The following FHIT variants were observed in gnomAD, a reference collection of about 807,000 sequenced individuals.
FHIT encodes fragile histidine triad diadenosine triphosphatase, also known as bis(5'-adenosyl)-triphosphatase.
Under a neutral mutation model 17.9 loss-of-function variants are expected in FHIT, and 19 were observed. The observed-to-expected ratio is 1.06, with a 90% CI of 0.74 to 1.56. The LOEUF (loss-of-function observed/expected upper bound fraction) is 1.56. FHIT is among the 40% of genes most tolerant of loss of function. The pLI is 0.00. For synonymous variants in FHIT, 81 were observed against 69.7 expected (o/e 1.16, Z -0.81); for missense variants, 248 against 189.2 (o/e 1.31, Z -1.82).
Position 61,193,227 on chromosome 3 carries a change from A to T in FHIT, c.-164+7390T>A, listed in dbSNP as rs143740359. ...CTGTTTAGGTGGGCACTTGGAGTAC[A>T]GTAAGGATTGGGCTTTCCTGGTATT... On this transcript the variant is annotated intron_variant, in intron 2 of 9. Coordinates refer to ENST00000492590, the MANE Select transcript of FHIT (RefSeq NM_002012.4). Among the ~76,000 whole-genome samples the T allele has an allele frequency of 2.0e-5, 3 of 152,338 alleles. No individual in the cohort carries two copies. In the East Asian group the frequency reaches 5.8e-4, roughly 29 times the overall value.
At chr3:60,695,067 T>TA (rs1380058169) in intron 4 of FHIT, among the ~76,000 whole-genome samples, 6 of 151,494 alleles carry the variant, frequency 4.0e-5, no homozygotes, top group African/African-American at 9.7e-5. Flanking sequence ...ATAATAATAA[T>TA]AAAAAAAAGA....
intron 5 of FHIT, among the ~76,000 whole-genome samples, chr3:60,038,792 G>A (rs148536353): frequency 1.9e-3 from 283 of 152,234 alleles, no homozygotes; most frequent in African/African-American, 5.1e-3. Flanking sequence ...ACCATGGTGC[G>A]AAACAAAGAT....
Position 60,447,603 on chromosome 3 carries a change from A to C in FHIT, c.103+89257T>G, listed in dbSNP as rs535776101. 1.1e-3 allele frequency among the ~76,000 whole-genome samples: 174 copies of C among 152,288 alleles called. 2 individuals are homozygous for C. Among genetic ancestry groups the C allele is most frequent in the African/African-American group, 4.2e-3 (173 of 41,570 alleles). On this transcript the variant is annotated intron_variant, in intron 5 of 9. Transcript: ENST00000492590. ...TCATTTGGAGTACTTGAGATGCTCT[A>C]GATAAATATTTGATGGTAGATGGAC...
At chr3:59,986,572 TATAC>T (rs1366766172) in intron 7 of FHIT, among the ~76,000 whole-genome samples, 1 of 67,454 alleles carries the variant, frequency 1.5e-5, no homozygotes, top group Non-Finnish European at 2.4e-5. Context: ...CACACACATA[TATAC>T]ACACACACAC....
At chr3:59,957,927 T>C (rs150140038) in intron 7 of FHIT, among the ~76,000 whole-genome samples, 1,960 of 152,382 alleles carry the variant, frequency 0.013, 16 homozygotes, top group Non-Finnish European at 0.021. Context: ...ATTAGATTAA[T>C]ACTTCCAAAA....
chr3:60,775,648 G>A (rs572653139), intron 4 of FHIT, among the ~76,000 whole-genome samples: 5 of 152,288 alleles, frequency 3.3e-5, no homozygotes, highest in African/African-American at 7.2e-5. Context: ...GTGGGGACTC[G>A]AGAAGGGGTA....
chr3:60,202,701 C>A (rs1163713795), intron 5 of FHIT, among the ~76,000 whole-genome samples: 3 of 152,178 alleles, frequency 2.0e-5, no homozygotes, highest in African/African-American at 7.2e-5. Context: ...TCCCTACCAG[C>A]CAGCCTAAAA....
At chr3:60,129,049 GTTTGT>G (rs1272329880) in intron 5 of FHIT, among the ~76,000 whole-genome samples, 5 of 121,042 alleles carry the variant, frequency 4.1e-5, no homozygotes, top group South Asian at 2.5e-4. Context: ...TTCCTTTTTT[GTTTGT>G]TTTTTTTTTT....
intron 3 of FHIT, among the ~76,000 whole-genome samples, chr3:60,859,606 C>T (rs1343317564): frequency 1.3e-5 from 2 of 151,894 alleles, no homozygotes; most frequent in African/African-American, 2.4e-5. Context: ...TCTCAGGCAC[C>T]CTGAAGGCTA....
chr3:60,074,390 C>A (rs1258490273), intron 5 of FHIT, among the ~76,000 whole-genome samples: 1 of 152,110 alleles, frequency 6.6e-6, no homozygotes, highest in Admixed American at 6.6e-5. Context: ...TGCCACTTCT[C>A]TAACTTCATG....
intron 5 of FHIT, among the ~76,000 whole-genome samples, chr3:60,104,111 A>T (rs948920913): frequency 6.6e-6 from 1 of 152,132 alleles, no homozygotes; most frequent in African/African-American, 2.4e-5. Flanking sequence ...ACAGGCAAAA[A>T]CTCAGAACTC....
chr3:60,792,289 G>C (rs1244579592), intron 4 of FHIT, among the ~76,000 whole-genome samples: 2 of 152,170 alleles, frequency 1.3e-5, no homozygotes, highest in Non-Finnish European at 2.9e-5. Flanking sequence ...TGTGTGTTAT[G>C]CTATAAATTA....
chr3:59,970,209 G>T (rs1292685178), intron 7 of FHIT, among the ~76,000 whole-genome samples: 1 of 152,084 alleles, frequency 6.6e-6, no homozygotes, highest in Non-Finnish European at 1.5e-5. Flanking sequence ...TAAATGTACT[G>T]TAAAAAACGG....
chr3:59,990,222 A>C (rs1004438624), intron 7 of FHIT, among the ~76,000 whole-genome samples: 6 of 152,060 alleles, frequency 3.9e-5, no homozygotes, highest in African/African-American at 1.4e-4. Context: ...AGAAACTATG[A>C]AAATATCCCC....
At chr3:60,214,618 A>T (rs1576319824) in intron 5 of FHIT, among the ~76,000 whole-genome samples, 1 of 152,144 alleles carries the variant, frequency 6.6e-6, no homozygotes. Flanking sequence ...TTTCTCAAAG[A>T]TCTTAATAAC....
At chr3:60,398,069 A>G (rs1461336532) in intron 5 of FHIT, among the ~76,000 whole-genome samples, 3 of 152,034 alleles carry the variant, frequency 2.0e-5, no homozygotes, top group African/African-American at 7.2e-5. Flanking sequence ...ATTCTACTCT[A>G]CTAACTCTCC....
chr3:60,727,921 G>A (rs886615652), intron 4 of FHIT, among the ~76,000 whole-genome samples: 5 of 152,086 alleles, frequency 3.3e-5, no homozygotes, highest in Admixed American at 6.6e-5. Flanking sequence ...GGAGAATGGC[G>A]TGAACCCGGG....
At chr3:61,214,008 T>G (rs534485247) in intron 1 of FHIT, among the ~76,000 whole-genome samples, 1 of 151,470 alleles carries the variant, frequency 6.6e-6, no homozygotes, top group South Asian at 2.1e-4. Flanking sequence ...TTCAAAGCAG[T>G]GTATAGAGGG....
intron 3 of FHIT, among the ~76,000 whole-genome samples, chr3:61,014,701 AC>A (rs995203695): frequency 4.1e-5 from 6 of 145,686 alleles, no homozygotes; most frequent in African/African-American, 1.5e-4. Context: ...AATGGCGTGA[AC>A]CCAGGAGGCG....
Sources: allele counts gnomAD v4.1 joint callset (sites outside exome capture counted in the v4.1 genomes callset), GRCh38; gene constraint gnomAD v4.1.1; transcripts MANE v1.5; gene names NCBI Gene and HGNC (gene_info 2026-07-23, HGNC 2026-07-21).